METTL15: variants seen among roughly 807,000 people sequenced by gnomAD.
METTL15 encodes 12S rRNA N(4)-cytidine methyltransferase METTL15.
Under a neutral mutation model 38.3 loss-of-function variants are expected in METTL15, and 34 were observed. That is an observed-to-expected ratio of 0.89 (90% CI 0.68 to 1.18). The LOEUF (loss-of-function observed/expected upper bound fraction) is 1.18. Among genes scored for constraint, METTL15 ranks in the 50% most tolerant of loss-of-function variants. The pLI is 0.00. For synonymous variants in METTL15, 162 were observed against 170.9 expected (o/e 0.95, Z 0.41); for missense variants, 438 against 498.4 (o/e 0.88, Z 1.15).
chr11:28,392,440 T>C (rs1564917917), intron 5 of METTL15, among the ~76,000 whole-genome samples: 1 of 152,026 alleles, frequency 6.6e-6, no homozygotes, highest in African/African-American at 2.4e-5. Context: ...CTTTGGTATA[T>C]GGTCAAATGA....
At chr11:28,312,342 A>G (rs1237549021) in intron 6 of METTL15, among the ~76,000 whole-genome samples, 1 of 152,200 alleles carries the variant, frequency 6.6e-6, no homozygotes, top group Admixed American at 6.5e-5. Context: ...TTTGCTTCCT[A>G]AAAAGAAGAA....
At position 28,275,802 on chromosome 11, in the gene METTL15, C is replaced by T. The variant is rs540869206; in HGVS notation, c.408-14404C>T. Among the ~76,000 whole-genome samples, 6 of 152,086 alleles carry T rather than the reference C, an allele frequency of 3.9e-5. No individual in the cohort carries two copies. The South Asian group carries it at 1.2e-3, about 32-fold the overall frequency. On this transcript the variant is annotated intron_variant, in intron 4 of 6. Coordinates refer to ENST00000407364, the MANE Select transcript of METTL15 (RefSeq NM_001113528.2). ...CAAGAATGATTCCACATACACTAATCAATAAACATAATACATCACATCAAC... is the reference window on the plus strand; with the variant it reads ...CAAGAATGATTCCACATACACTAATTAATAAACATAATACATCACATCAAC...
chr11:28,310,905 CTGCTGCTGCTGGTGGTGGTGGTGG>C (rs1480800299), intron 6 of METTL15, among the ~76,000 whole-genome samples: 1 of 86,076 alleles, frequency 1.2e-5, no homozygotes, highest in African/African-American at 4.2e-5. Context: ...GCTGCTGCTG[CTGCTGCTGCTGGTGGTGGTGGTGG>C]TGGTGGTGGT....
At chr11:28,403,136 A>G (rs1200053513) in intron 5 of METTL15, among the ~76,000 whole-genome samples, 1 of 152,038 alleles carries the variant, frequency 6.6e-6, no homozygotes, top group African/African-American at 2.4e-5. Flanking sequence ...CAGCAGATGT[A>G]TGGGGGGTTT....
chr11:28,351,072 G>A (rs936172509), intron 3 of METTL15, among the ~76,000 whole-genome samples: 6 of 151,828 alleles, frequency 4.0e-5, no homozygotes, highest in Non-Finnish European at 5.9e-5. Context: ...CTTGTAAACC[G>A]TATGGAATTT....
intron 4 of METTL15, among the ~76,000 whole-genome samples, chr11:28,214,274 TC>T (rs1329688330): frequency 2.2e-4 from 34 of 152,238 alleles, no homozygotes; most frequent in Non-Finnish European, 3.2e-4. Flanking sequence ...GCTCAAGTGA[TC>T]ATCCCACCTC....
At chr11:28,254,523 TTTGCTTGTGAGG>T (rs1854890819) in intron 4 of METTL15, among the ~76,000 whole-genome samples, 1 of 152,158 alleles carries the variant, frequency 6.6e-6, no homozygotes, top group South Asian at 2.1e-4. Flanking sequence ...TTTGGTTGCC[TTTGCTTGTGAGG>T]TATTACTTAA....
At chr11:28,430,339 C>G (rs1850908354) in intron 6 of METTL15, among the ~76,000 whole-genome samples, 1 of 71,308 alleles carries the variant, frequency 1.4e-5, no homozygotes, top group Non-Finnish European at 3.2e-5. Context: ...GGGTCAGCCC[C>G]CCGCCCGGCC....
chr11:28,510,081 G>A (rs549146094), intron 6 of METTL15, among the ~76,000 whole-genome samples: 1 of 152,232 alleles, frequency 6.6e-6, no homozygotes, highest in Non-Finnish European at 1.5e-5. Flanking sequence ...GTGCTATGCA[G>A]GCCAGAGCTT....
chr11:28,449,286 A>AT (rs1851100225), intron 6 of METTL15, among the ~76,000 whole-genome samples: 1 of 152,148 alleles, frequency 6.6e-6, no homozygotes, highest in African/African-American at 2.4e-5. Flanking sequence ...GGGCTGTTTG[A>AT]TCCCACCAGA....
intron 4 of METTL15, among the ~76,000 whole-genome samples, chr11:28,288,018 C>A (rs1380352686): frequency 6.6e-6 from 1 of 151,990 alleles, no homozygotes; most frequent in Non-Finnish European, 1.5e-5. Flanking sequence ...GATTAATAAA[C>A]TTTTGACTCA....
At chr11:28,213,001 C>T (rs1852705719) in intron 4 of METTL15, among the ~76,000 whole-genome samples, 1 of 151,984 alleles carries the variant, frequency 6.6e-6, no homozygotes, top group Non-Finnish European at 1.5e-5. Flanking sequence ...ATATTCTTTT[C>T]AGTTTATAGA....
chr11:28,277,464 G>A lies in METTL15; in HGVS notation c.408-12742G>A, dbSNP rs925783624. 3.3e-5 allele frequency among the ~76,000 whole-genome samples: 5 copies of A among 152,236 alleles called. No individual in the cohort carries two copies. The South Asian group carries it at 6.2e-4, about 19-fold the overall frequency. ...TGTAATCCCAGCACTTTGGGAGGCC[G>A]AAGCGGGCAGATTACCTGAGGTCAG... On this transcript the variant is annotated intron_variant, in intron 4 of 6. Transcript: ENST00000407364.
chr11:28,364,472 G>A (rs1850168318), intron 5 of METTL15, among the ~76,000 whole-genome samples: 1 of 151,884 alleles, frequency 6.6e-6, no homozygotes, highest in East Asian at 1.9e-4. Flanking sequence ...TCTTGATTTG[G>A]CCCTCAGATA....
intron 4 of METTL15, among the ~76,000 whole-genome samples, chr11:28,271,526 C>A (rs1855639063): frequency 6.6e-6 from 1 of 152,166 alleles, no homozygotes; most frequent in Non-Finnish European, 1.5e-5. Context: ...ACGATCCACA[C>A]TGGTGACAAA....
intron 5 of METTL15, among the ~76,000 whole-genome samples, chr11:28,375,190 T>C (rs1224130801): frequency 7.1e-6 from 1 of 140,060 alleles, no homozygotes; most frequent in Admixed American, 7.4e-5. Context: ...TAAAATGAGT[T>C]AGGGAGGATT....
intron 6 of METTL15, among the ~76,000 whole-genome samples, chr11:28,434,123 C>T (rs1309661855): frequency 6.6e-6 from 1 of 152,072 alleles, no homozygotes; most frequent in African/African-American, 2.4e-5. Flanking sequence ...ATCATGGAAG[C>T]AGTTTTTTCC....
At chr11:28,249,427 A>T (rs932267415) in intron 4 of METTL15, among the ~76,000 whole-genome samples, 14 of 151,926 alleles carry the variant, frequency 9.2e-5, no homozygotes, top group African/African-American at 3.4e-4. Context: ...CCTTATGTTT[A>T]CTCCAGTGAC....
chr11:28,394,014 G>T (rs1300496771), intron 5 of METTL15, among the ~76,000 whole-genome samples: 1 of 152,032 alleles, frequency 6.6e-6, no homozygotes. Context: ...AGTTTTAAAT[G>T]TATACAGTCT....
Sources: allele counts gnomAD v4.1 joint callset (sites outside exome capture counted in the v4.1 genomes callset), GRCh38; gene constraint gnomAD v4.1.1; transcripts MANE v1.5; gene names NCBI Gene and HGNC (gene_info 2026-07-23, HGNC 2026-07-21).